TSHZ3: variants seen among roughly 807,000 people sequenced by gnomAD.
TSHZ3 encodes the protein teashirt zinc finger homeobox 3, also known as teashirt homolog 3.
In TSHZ3, 10 loss-of-function variants were observed where a neutral mutation model predicts 64.5. The ratio of observed to expected loss-of-function variants is 0.16; its 90% CI spans 0.10 to 0.26. The LOEUF is 0.26. Ranked by LOEUF, TSHZ3 falls within the 10% of genes least tolerant of loss-of-function variation. The pLI, the probability that TSHZ3 is intolerant of heterozygous loss-of-function variation, is 1.00. For missense variants in TSHZ3, 1,242 were observed against 1,421.7 expected, an observed-to-expected ratio of 0.87 and a Z score of 2.03; for synonymous variants, 608 against 593.1, an observed-to-expected ratio of 1.03 and a Z score of -0.36.
At chr19:31,226,973 C>CTTTTTTTTTTTTTTTTTTTTTTTTTTTT (rs1255178594) in intron 4 of TSHZ3, among the ~76,000 whole-genome samples, 1 of 68,154 alleles carries the variant, frequency 1.5e-5, no homozygotes, top group African/African-American at 8.9e-5. Flanking sequence ...TTCTTTCTTT[C>CTTTTTTTTTTTTTTTTTTTTTTTTTTTT]TTTCTTTTTT....
At chr19:31,242,443 C>T (rs545229853) in exon 3 of TSHZ3, among the ~76,000 whole-genome samples, 1 of 152,306 alleles carries the variant, frequency 6.6e-6, no homozygotes, top group South Asian at 2.1e-4. Flanking sequence ...TGCTGCTACA[C>T]ATCCTAGAGT....
intron 3 of TSHZ3, among the ~76,000 whole-genome samples, chr19:31,240,466 C>T (rs1424398764): frequency 1.3e-5 from 2 of 152,138 alleles, no homozygotes; most frequent in Admixed American, 1.3e-4. Flanking sequence ...CAGCTACAGT[C>T]TCATATTTGT....
At chr19:31,305,244 T>G (rs1303719555) in intron 1 of TSHZ3, among the ~76,000 whole-genome samples, 1 of 152,038 alleles carries the variant, frequency 6.6e-6, no homozygotes, top group Non-Finnish European at 1.5e-5. Flanking sequence ...AATTCTGTGC[T>G]TTCTGTTAAA....
At position 31,277,303 on chromosome 19, in the gene TSHZ3, G is replaced by A. The variant is rs778477000; in HGVS notation, c.2490C>T (p.Val830=). 33 of 1,613,368 alleles carry A rather than the reference G, an allele frequency of 2.0e-5. No individual in the cohort carries two copies. Among genetic ancestry groups the A allele is most frequent in the Non-Finnish European group, 2.3e-5 (27 of 1,179,422 alleles). ...GCGGCGAGTTTGACATGAATGATAC[G>A]ACGGCAGATGTCTTTGCCGTTGTCA... ...STVTTAKTSA[V]VSFMSNSPLR... Residue 830 remains valine, a synonymous_variant, in exon 2 of 2, where the codon GTC becomes GTT. Transcript: ENST00000240587. The surrounding 1 kb of genome is among the most constrained non-coding windows in gnomAD (Gnocchi z 4.5).
At chr19:31,200,774 C>G (rs1228857986) in intron 5 of TSHZ3, among the ~76,000 whole-genome samples, 1 of 152,046 alleles carries the variant, frequency 6.6e-6, no homozygotes, top group Non-Finnish European at 1.5e-5. Flanking sequence ...GTAACAAATG[C>G]ATGCACCACC....
At chr19:31,298,267 C>G (rs1156637763) in intron 1 of TSHZ3, among the ~76,000 whole-genome samples, 1 of 152,110 alleles carries the variant, frequency 6.6e-6, no homozygotes, top group African/African-American at 2.4e-5. Flanking sequence ...TCCCCATAGC[C>G]CTGCAGAAAC....
At chr19:31,226,796 C>T (rs1044926497) in intron 4 of TSHZ3, among the ~76,000 whole-genome samples, 1 of 152,042 alleles carries the variant, frequency 6.6e-6, no homozygotes, top group Non-Finnish European at 1.5e-5. Context: ...CACAGCACCC[C>T]TTTCAGACTC....
At chr19:31,274,192 T>C (rs1053120263), downstream of TSHZ3, among the ~76,000 whole-genome samples, 2 of 152,116 alleles carry the variant, frequency 1.3e-5, no homozygotes, top group African/African-American at 2.4e-5. Context: ...ACATCTCTCA[T>C]TTGTATAATT....
chr19:31,295,428 G>T (rs1266553375), intron 1 of TSHZ3, among the ~76,000 whole-genome samples: 2 of 152,224 alleles, frequency 1.3e-5, no homozygotes, highest in Non-Finnish European at 2.9e-5. Flanking sequence ...CCAGTAGAGT[G>T]AATAAATACA....
intron 3 of TSHZ3, among the ~76,000 whole-genome samples, chr19:31,229,250 A>G (rs1413700767): frequency 1.3e-5 from 2 of 152,252 alleles, no homozygotes; most frequent in African/African-American, 4.8e-5. Flanking sequence ...AAAATAATCA[A>G]GTAAAGTTTG....
chr19:31,249,025 T>A (rs1975797042), intron 1 of TSHZ3, among the ~76,000 whole-genome samples: 2 of 151,840 alleles, frequency 1.3e-5, no homozygotes, highest in Admixed American at 6.6e-5. Flanking sequence ...GCTCAAGAGA[T>A]GAGAGTGTGG....
At chr19:31,153,954 G>C (rs1974271241) in intron 6 of TSHZ3, among the ~76,000 whole-genome samples, 2 of 152,190 alleles carry the variant, frequency 1.3e-5, no homozygotes, top group African/African-American at 4.8e-5. Context: ...CCCATTAAAG[G>C]GTGGAGCAAA....
intron 1 of TSHZ3, among the ~76,000 whole-genome samples, chr19:31,299,145 G>A (rs1205771506): frequency 3.3e-5 from 5 of 152,066 alleles, no homozygotes; most frequent in Non-Finnish European, 7.4e-5. Flanking sequence ...CAGTAAGCCG[G>A]GATTTCACCA....
intron 5 of TSHZ3, among the ~76,000 whole-genome samples, chr19:31,176,492 G>A (rs1487263093): frequency 6.6e-6 from 1 of 152,184 alleles, no homozygotes; most frequent in Non-Finnish European, 1.5e-5. Flanking sequence ...CATCAGAGAA[G>A]TGCAAATTAA....
At chr19:31,223,967 C>T (rs1975425991) in intron 4 of TSHZ3, among the ~76,000 whole-genome samples, 1 of 152,188 alleles carries the variant, frequency 6.6e-6, no homozygotes, top group South Asian at 2.1e-4. Context: ...CAACTCCTTG[C>T]AGCTCTAACA....
intron 5 of TSHZ3, among the ~76,000 whole-genome samples, chr19:31,188,596 C>T (rs1413779521): frequency 6.6e-6 from 1 of 151,770 alleles, no homozygotes; most frequent in Admixed American, 6.6e-5. Flanking sequence ...TTCTTTCATT[C>T]TGGTAATTCT....
rs143775542 is a variant in TSHZ3 at position 31,344,475 on chromosome 19, A to G, written c.40+4705T>C. Among the ~76,000 whole-genome samples the G allele has an allele frequency of 1.9e-3, 296 of 152,318 alleles. 5 individuals are homozygous for G. The highest frequency in any genetic ancestry group is 0.013 in the Admixed American group (192 of 15,306). On this transcript the variant is annotated intron_variant, in intron 1 of 1. Coordinates refer to ENST00000240587, the MANE Select transcript of TSHZ3 (RefSeq NM_020856.4). ...GCAGGGATGAAAATGGGGCAGGAGG[A>G]AAGCCTTACAAACTGCACTTGGGAT...
chr19:31,245,949 G>A (rs1487248839), intron 1 of TSHZ3, among the ~76,000 whole-genome samples: 3 of 152,168 alleles, frequency 2.0e-5, no homozygotes, highest in Admixed American at 6.5e-5. Context: ...GGATGTATTT[G>A]CTGATGTGCA....
At chr19:31,207,161 T>A (rs1375011151) in intron 4 of TSHZ3, among the ~76,000 whole-genome samples, 1 of 152,214 alleles carries the variant, frequency 6.6e-6, no homozygotes, top group African/African-American at 2.4e-5. Flanking sequence ...TGAAATACCT[T>A]TTAATGAATG....
Sources: allele counts gnomAD v4.1 joint callset (sites outside exome capture counted in the v4.1 genomes callset), GRCh38; gene constraint gnomAD v4.1.1; non-coding constraint Gnocchi (gnomAD v3.1); transcripts MANE v1.5; gene names NCBI Gene and HGNC (gene_info 2026-07-23, HGNC 2026-07-21).